Variants in MSH6 observed in about 807,000 individuals in gnomAD.
MSH6 encodes the protein mutS homolog 6.
A neutral mutation model predicts 119.1 loss-of-function variants in MSH6; 85 were observed. That is an observed-to-expected ratio of 0.71 (90% CI 0.60 to 0.85). The LOEUF is 0.85. Among genes scored for constraint, MSH6 ranks in the 40% least tolerant of loss-of-function variants. The probability of loss-of-function intolerance (pLI) is 0.00; values close to 1 mark genes in which losing one functional copy is unlikely to be tolerated. For synonymous variants in MSH6, 830 were observed against 586.9 expected, an observed-to-expected ratio of 1.41 and a Z score of -5.99; for missense variants, 2,163 against 1,655.3, an observed-to-expected ratio of 1.31 and a Z score of -5.32.
At chr2:47,809,278 G>GA (rs764057797), downstream of MSH6, 48 of 1,460,268 alleles carry the variant, frequency 3.3e-5, no homozygotes, top group African/African-American at 4.3e-5. Context: ...TGTAATAAAA[G>GA]AAAGAATAAG....
At chr2:47,809,120 C>T, downstream of MSH6, 3 of 1,286,758 alleles carry the variant, frequency 2.3e-6, no homozygotes, top group Non-Finnish European at 3.3e-6. Context: ...GGAAATCAGT[C>T]TTCCTCTTTT....
chr2:47,790,028 T>C (rs547601554), intron 1 of MSH6, among the ~76,000 whole-genome samples: 14 of 152,326 alleles, frequency 9.2e-5, no homozygotes, highest in African/African-American at 3.1e-4. Flanking sequence ...AAATTTTTAA[T>C]CTAGGTTGGT....
In MSH6 at chr2:47,800,634, C is replaced by G. The variant is rs561217424; in HGVS notation, c.2651C>G (p.Ser884Cys). The part of the protein sequence containing the change: ...IMEEVADGFK[S>C]KILKQVISLQ... ...GAAGAAGTTGCTGATGGTTTTAAGTCTAAAATCCTTAAGCAGGTCATCTCT... is the reference window on the plus strand; with the variant it reads ...GAAGAAGTTGCTGATGGTTTTAAGTGTAAAATCCTTAAGCAGGTCATCTCT... The change falls in exon 4 of 10, where the codon TCT becomes TGT. Residue 884 changes from serine to cysteine, a missense_variant. Transcript: ENST00000234420. The G allele has an allele frequency of 2.5e-6, 4 of 1,614,034 alleles. No homozygotes were observed. Among genetic ancestry groups the G allele is most frequent in the South Asian group, 1.1e-5 (1 of 91,052 alleles).
At chr2:47,808,485 C>T, downstream of MSH6, 1 of 1,434,340 alleles carries the variant, frequency 7.0e-7, no homozygotes, top group Non-Finnish European at 9.4e-7. Flanking sequence ...CAAAACATTC[C>T]ATTCTGTTTA....
chr2:47,801,309 T>G, intron 4 of MSH6, 154 bp downstream of exon 4: 1 of 683,416 alleles, frequency 1.5e-6, no homozygotes. Flanking sequence ...CCACAGCAAT[T>G]TAAGTTACTT....
chr2:47,805,812 T>A, intron 7 of MSH6, 105 bp downstream of exon 7: 1 of 925,104 alleles, frequency 1.1e-6, no homozygotes, highest in South Asian at 1.3e-5. Flanking sequence ...ACAATATGAA[T>A]GTTTTTAGAG....
In MSH6 at chr2:47,806,619, T is replaced by A. The variant is rs1057520473; in HGVS notation, c.3969T>A (p.Phe1323Leu). The A allele has an allele frequency of 6.2e-7, 1 of 1,612,498 alleles. No individual in the cohort carries two copies. ...IQKGHRKARE[F>L]EKMNQSLRLF... Reference sequence around the variant, plus strand: ...AGGGACATAGAAAAGCAAGAGAATTTGAGAAGATGAATCAGTCACTACGAT... The same window carrying A: ...AGGGACATAGAAAAGCAAGAGAATTAGAGAAGATGAATCAGTCACTACGAT... Residue 1323 changes from phenylalanine to leucine, a missense_variant, in exon 9 of 10, where the codon TTT becomes TTA. By Grantham distance (22) the Phe-to-Leu change is conservative. Transcript: ENST00000234420.
rs1553412644 is a variant in MSH6, at chr2:47,799,205, C to T, written c.1222C>T (p.Pro408Ser). Residue 408 changes from proline (P) to serine (S), a missense_variant, in exon 4 of 10, where the codon CCT becomes TCT. Pro to Ser is a moderately conservative substitution (Grantham distance 74). Transcript: ENST00000234420. ...VPEDFLNSCT[P>S]GMRKWWQIKS... ...TGAGGATTTCCTCAATTCTTGTACT[C>T]CTGGGATGAGGAAGTGGTGGCAGAT... 3.7e-6 allele frequency: 6 copies of T among 1,614,124 alleles called. No homozygotes were observed. Among genetic ancestry groups the T allele is most frequent in the Non-Finnish European group, 4.2e-6 (5 of 1,180,010 alleles).
chr2:47,809,921 CCTAA>C (rs912714140), downstream of MSH6: 21 of 536,582 alleles, frequency 3.9e-5, no homozygotes, highest in African/African-American at 1.4e-4. Flanking sequence ...TTCGCACCAA[CCTAA>C]CTGTCTTAAA....
At chr2:47,806,672 G>GAATT (rs775355254) in intron 9 of MSH6, 21 bp downstream of exon 9, 19 of 1,589,176 alleles carry the variant, frequency 1.2e-5, no homozygotes, top group Non-Finnish European at 1.5e-5. Context: ...AACTATAATG[G>GAATT]AATTATAACT....
intron 2 of MSH6, among the ~76,000 whole-genome samples, chr2:47,791,993 C>T (rs1029548948): frequency 6.6e-6 from 1 of 152,122 alleles, no homozygotes; most frequent in African/African-American, 2.4e-5. Flanking sequence ...ATTACAGGTG[C>T]ACACCACCAA....
At chr2:47,801,986 A>AT (rs1348787449) in intron 4 of MSH6, among the ~76,000 whole-genome samples, 1 of 152,144 alleles carries the variant, frequency 6.6e-6, no homozygotes, top group Non-Finnish European at 1.5e-5. Context: ...GACAGGCTTT[A>AT]TTTTAGATCG....
At chr2:47,803,253 A>G (rs925878149) in intron 4 of MSH6, among the ~76,000 whole-genome samples, 167 bp from the exon 5 acceptor site, 6 of 152,132 alleles carry the variant, frequency 3.9e-5, no homozygotes, top group Admixed American at 3.3e-4. Context: ...TGGCACTTCT[A>G]TGGTCCAGAT....
At chr2:47,797,016 T>C (rs1479049425) in intron 3 of MSH6, among the ~76,000 whole-genome samples, 1 of 152,130 alleles carries the variant, frequency 6.6e-6, no homozygotes, top group Non-Finnish European at 1.5e-5. Context: ...AAAAAATTGA[T>C]TAATTTAGAA....
At chr2:47,791,228 A>C in intron 2 of MSH6, 105 bp downstream of exon 2, 1 of 1,105,970 alleles carries the variant, frequency 9.0e-7, no homozygotes, top group South Asian at 1.3e-5. Flanking sequence ...AATTAAGTGT[A>C]TTTTACCCCA....
intron 4 of MSH6, among the ~76,000 whole-genome samples, chr2:47,802,646 T>G (rs181542451): frequency 3.0e-4 from 45 of 151,752 alleles, no homozygotes; most frequent in African/African-American, 6.8e-4. Context: ...TTTTTTTTTT[T>G]TTTTTTTTTT....
At chr2:47,786,848 C>T (rs1358109265) in intron 1 of MSH6, among the ~76,000 whole-genome samples, 1 of 152,056 alleles carries the variant, frequency 6.6e-6, no homozygotes, top group African/African-American at 2.4e-5. Context: ...GTTGCCCAGG[C>T]TGGTGTTGAA....
intron 5 of MSH6, among the ~76,000 whole-genome samples, chr2:47,804,572 C>CATGG (rs1669838761): frequency 6.6e-6 from 1 of 150,564 alleles, no homozygotes; most frequent in African/African-American, 2.4e-5. Flanking sequence ...TCCATCCTGA[C>CATGG]ATGGATTCAC....
intron 1 of MSH6, among the ~76,000 whole-genome samples, chr2:47,785,534 G>A (rs1668300621): frequency 6.6e-6 from 1 of 152,198 alleles, no homozygotes; most frequent in Non-Finnish European, 1.5e-5. Flanking sequence ...TAGTGGTTTT[G>A]AGTAATGGAT....
Sources: allele counts gnomAD v4.1 joint callset (sites outside exome capture counted in the v4.1 genomes callset), GRCh38; gene constraint gnomAD v4.1.1; transcripts MANE v1.5; gene names NCBI Gene and HGNC (gene_info 2026-07-23, HGNC 2026-07-21).